Variants in GC observed in about 807,000 individuals in gnomAD.
GC encodes vitamin D-binding protein.
Under a neutral mutation model 56.7 loss-of-function variants are expected in GC, and 43 were observed. That is an observed-to-expected ratio of 0.76 (90% CI 0.59 to 0.98). GC has a LOEUF of 0.98. Ranked by LOEUF, GC falls within the 50% of genes least tolerant of loss-of-function variation. The pLI is 0.00. For missense variants in GC, 529 were observed against 545.9 expected, an observed-to-expected ratio of 0.97 and a Z score of 0.31; for synonymous variants, 216 against 202.7, an observed-to-expected ratio of 1.07 and a Z score of -0.56.
intron 6 of GC, among the ~76,000 whole-genome samples, chr4:71,760,285 C>T (rs1254362510): frequency 6.6e-6 from 1 of 151,734 alleles, no homozygotes; most frequent in Non-Finnish European, 1.5e-5. Flanking sequence ...ATCTCCTGAC[C>T]TTGTGAACCA....
At chr4:71,760,133 T>C (rs1359967528) in intron 6 of GC, among the ~76,000 whole-genome samples, 1 of 149,734 alleles carries the variant, frequency 6.7e-6, no homozygotes, top group Non-Finnish European at 1.5e-5. Flanking sequence ...AAGCTCTGCC[T>C]CCCAGGTTCA....
Position 71,769,391 on chromosome 4 carries a change from T to C in GC, c.68A>G (p.Tyr23Cys). Residue 23 changes from tyrosine (Y) to cysteine (C), a missense_variant, in exon 2 of 13, where the codon TAT becomes TGT. By Grantham distance (194) the Tyr-to-Cys change is radical (BLOSUM62 -2). Coordinates refer to ENST00000273951, the MANE Select transcript of GC (RefSeq NM_000583.4). The stretch of plus-strand genomic sequence containing the variant: ...TTCCTTGCAGACTTTATTCTTTTCA[T>C]AATCCCGGCCTAGGAGGCAGAAATA... ...FGHALERGRDYEKNKVCKEFS... is the reference protein window; with the variant it reads ...FGHALERGRDCEKNKVCKEFS... 2 of 1,612,158 alleles carry C rather than the reference T, an allele frequency of 1.2e-6. No homozygotes were observed. Among genetic ancestry groups the C allele is most frequent in the Non-Finnish European group, 1.7e-6 (2 of 1,178,418 alleles).
At chr4:71,778,061 C>T (rs879688823) in intron 1 of GC, among the ~76,000 whole-genome samples, 21 of 151,514 alleles carry the variant, frequency 1.4e-4, no homozygotes, top group Admixed American at 7.9e-4. Flanking sequence ...CAAAATAAAA[C>T]CCACATAGGA....
intron 1 of GC, among the ~76,000 whole-genome samples, chr4:71,778,037 T>G (rs1312633210): frequency 6.8e-6 from 1 of 147,650 alleles, no homozygotes; most frequent in Non-Finnish European, 1.5e-5. Flanking sequence ...AGTTTATATA[T>G]ATATAAAAAA....
chr4:71,788,693 A>AG, upstream of GC, among the ~76,000 whole-genome samples: 1 of 151,794 alleles, frequency 6.6e-6, no homozygotes, highest in East Asian at 1.9e-4. Flanking sequence ...GAAAGAGAAA[A>AG]AAAGAAAAAG....
intron 1 of GC, among the ~76,000 whole-genome samples, chr4:71,791,087 T>C (rs934281595): frequency 5.3e-5 from 8 of 152,064 alleles, no homozygotes; most frequent in African/African-American, 1.2e-4. Context: ...ACTTTCTATT[T>C]TATACCTGAC....
chr4:71,769,328 T>C lies in GC; in HGVS notation c.128+3A>G. On this transcript the variant is annotated splice_donor_region_variant and intron_variant, in intron 2 of 12. Coordinates refer to ENST00000273951, the MANE Select transcript of GC (RefSeq NM_000583.4). Reference sequence around the variant, plus strand: ...ACAGAGTGAGTGGCTGCTGCACACTTACAGAGATGTGAAGTCCTCCTTTCC... The same window carrying C: ...ACAGAGTGAGTGGCTGCTGCACACTCACAGAGATGTGAAGTCCTCCTTTCC... The C allele has an allele frequency of 6.2e-7, 1 of 1,600,584 alleles. No individual in the cohort carries two copies.
intron 11 of GC, 107 bp downstream of exon 11, chr4:71,752,411 G>T: frequency 2.4e-6 from 2 of 850,732 alleles, no homozygotes; most frequent in Non-Finnish European, 3.6e-6. Flanking sequence ...ACCAGGAAAA[G>T]CCTGTCACAT....
chr4:71,763,927 C>A lies in GC; in HGVS notation c.483G>T (p.Trp161Cys), dbSNP rs1276318491. The A allele has an allele frequency of 6.2e-7, 1 of 1,608,090 alleles. No homozygotes were observed. Among genetic ancestry groups the A allele is most frequent in the South Asian group, 1.1e-5 (1 of 90,392 alleles). Residue 161 changes from tryptophan (W) to cysteine (C), a missense_variant, in exon 5 of 13, where the codon TGG becomes TGT. Transcript: ENST00000273951. ...DPKEYANQFMWEYSTNYGQAP... is the reference protein window; with the variant it reads ...DPKEYANQFMCEYSTNYGQAP... ...CTTGTCCGTAATTAGTGGAATATTC[C>A]CACATAAATCTGTGGAGGAAAAAAT... is the stretch of plus-strand genomic sequence containing the variant.
Position 71,769,336 on chromosome 4 carries a change from T to C in GC, c.123A>G (p.Thr41=). The C allele has an allele frequency of 6.2e-7, 1 of 1,606,422 alleles. No individual in the cohort carries two copies. The highest frequency in any genetic ancestry group is 1.7e-5 in the Admixed American group (1 of 59,992). Residue 41 remains threonine, a synonymous_variant, in exon 2 of 13, where the codon ACA becomes ACG. Transcript: ENST00000273951. ...AGTGGCTGCTGCACACTTACAGAGA[T>C]GTGAAGTCCTCCTTTCCCAGATGGG... ...EFSHLGKEDF[T]SLSLVLYSRK...
Position 71,769,399 on chromosome 4 carries a change from G to A in GC, c.60C>T (p.Gly20=), listed in dbSNP as rs746497267. The change falls in exon 2 of 13, where the codon GGC becomes GGT. Residue 20 remains glycine, a splice_region_variant and synonymous_variant. Transcript: ENST00000273951. ...AVAFGHALER[G]RDYEKNKVCK... Reference sequence around the variant, plus strand: ...AGACTTTATTCTTTTCATAATCCCGGCCTAGGAGGCAGAAATAGAAAAATT... The same window carrying A: ...AGACTTTATTCTTTTCATAATCCCGACCTAGGAGGCAGAAATAGAAAAATT... 1 of 1,609,764 alleles carries A rather than the reference G, an allele frequency of 6.2e-7. No individual in the cohort carries two copies. The highest frequency in any genetic ancestry group is 1.1e-5 in the South Asian group (1 of 90,868).
chr4:71,784,226 C>A, upstream of GC: 1 of 1,261,952 alleles, frequency 7.9e-7, no homozygotes, highest in Non-Finnish European at 1.0e-6. Context: ...TAATATCAAT[C>A]AAGGTAAATA....
At chr4:71,758,248 G>T in intron 6 of GC, 77 bp from the exon 7 acceptor site, 1 of 1,289,572 alleles carries the variant, frequency 7.8e-7, no homozygotes, top group South Asian at 1.3e-5. Flanking sequence ...GCACTATTTG[G>T]AGAAATAATA....
At chr4:71,805,207 G>A (rs1017741698), upstream of GC, among the ~76,000 whole-genome samples, 4 of 152,164 alleles carry the variant, frequency 2.6e-5, no homozygotes, top group African/African-American at 9.7e-5. Flanking sequence ...GCTTTAAGCA[G>A]CTGTTTCAAT....
chr4:71,760,040 AGT>A (rs1491144717), intron 6 of GC, among the ~76,000 whole-genome samples: 3 of 123,130 alleles, frequency 2.4e-5, no homozygotes, highest in Non-Finnish European at 3.3e-5. Flanking sequence ...TAAAGAAACT[AGT>A]TTTTTTTTTT....
At position 71,790,199 on chromosome 4, in the gene GC, T is replaced by G. The variant is rs10014541; in HGVS notation, c.22-6145A>C. Among the ~76,000 whole-genome samples the G allele has an allele frequency of 0.012, 1,787 of 152,062 alleles. 74 individuals carry two copies. In the East Asian group the frequency reaches 0.16, roughly 14 times the overall value. ...AGGTGGGTGCAAAAGTAATTGTGGT[T>G]TTTGCCATTAAAAGTCATGTTCTTA... is the stretch of plus-strand genomic sequence containing the variant. On this transcript the variant is annotated intron_variant, in intron 1 of 13. Coordinates refer to the GC transcript ENST00000504199.
rs181265363 is a variant in GC, at chr4:71,756,929, G to T, written c.832-15C>A. The stretch of plus-strand genomic sequence containing the variant: ...TGTTCAGGCAGCTACAAAACGAATG[G>T]TTAGTTTGTGCATTGTTAGTTTCCT... On this transcript the variant is annotated splice_polypyrimidine_tract_variant and intron_variant, in intron 7 of 12. Transcript: ENST00000273951. 124 of 1,548,420 alleles carry T rather than the reference G, an allele frequency of 8.0e-5. No homozygotes were observed. The African/African-American group carries it at 1.6e-3, about 20-fold the overall frequency.
intron 1 of GC, among the ~76,000 whole-genome samples, chr4:71,778,042 A>G (rs1578311007): frequency 1.6e-5 from 2 of 121,240 alleles, no homozygotes; most frequent in South Asian, 4.9e-4. Flanking sequence ...ATATATATAT[A>G]AAAAAAAACA....
intron 1 of GC, among the ~76,000 whole-genome samples, chr4:71,780,181 A>G (rs577570870): frequency 1.3e-5 from 2 of 152,106 alleles, no homozygotes; most frequent in African/African-American, 2.4e-5. Context: ...GGCTAGCCAT[A>G]TGTAGAAAGC....
Sources: gnomAD v4.1 joint callset for allele counts (sites outside exome capture counted in the v4.1 genomes callset) on GRCh38, gnomAD v4.1.1 for gene constraint, MANE v1.5 for transcripts, NCBI Gene and HGNC (gene_info 2026-07-23, HGNC 2026-07-21) for gene names.